The following VRK2 variants were observed in gnomAD, a reference collection of about 807,000 sequenced individuals.
The protein encoded by VRK2 is serine/threonine-protein kinase VRK2.
VRK2 carries 60 observed loss-of-function variants against 57.6 expected under a neutral mutation model. That is an observed-to-expected ratio of 1.04 (90% CI 0.85 to 1.29). The LOEUF is 1.29. Among genes scored for constraint, VRK2 ranks in the 50% most tolerant of loss-of-function variants. The pLI, the probability that VRK2 is intolerant of heterozygous loss-of-function variation, is 0.00. For synonymous variants in VRK2, 231 were observed against 199.2 expected (o/e 1.16, Z -1.35); for missense variants, 705 against 588.1 (o/e 1.20, Z -2.06).
chr2:57,909,411 G>A (rs1669918783), intron 1 of VRK2, among the ~76,000 whole-genome samples: 1 of 151,958 alleles, frequency 6.6e-6, no homozygotes. Context: ...CATAAGTGAT[G>A]ATTTACACTT....
At chr2:58,019,397 A>T (rs970229870) in intron 1 of VRK2, among the ~76,000 whole-genome samples, 1 of 152,236 alleles carries the variant, frequency 6.6e-6, no homozygotes, top group Admixed American at 6.5e-5. Flanking sequence ...GCATTTAGCC[A>T]TGACTCATAT....
chr2:58,136,859 GT>G (rs1314306570), intron 10 of VRK2, among the ~76,000 whole-genome samples: 5 of 103,582 alleles, frequency 4.8e-5, no homozygotes, highest in Admixed American at 9.5e-5. Flanking sequence ...TCATATATAT[GT>G]GTATATATAT....
chr2:58,019,846 A>G (rs1421070049), intron 1 of VRK2, among the ~76,000 whole-genome samples: 1 of 152,236 alleles, frequency 6.6e-6, no homozygotes, highest in African/African-American at 2.4e-5. Context: ...ATGAACTAGA[A>G]AACTATAAAC....
intron 7 of VRK2, among the ~76,000 whole-genome samples, chr2:58,100,663 T>C (rs1229831265): frequency 6.6e-6 from 1 of 151,850 alleles, no homozygotes; most frequent in Non-Finnish European, 1.5e-5. Flanking sequence ...TTATATACTT[T>C]CACTTAATTT....
chr2:57,912,998 A>G (rs1670036677), intron 1 of VRK2, among the ~76,000 whole-genome samples: 1 of 152,194 alleles, frequency 6.6e-6, no homozygotes, highest in Non-Finnish European at 1.5e-5. Context: ...CTGTCTATGA[A>G]CCAGGAAGTG....
intron 1 of VRK2, among the ~76,000 whole-genome samples, chr2:57,921,286 G>GCGCA (rs569332925): frequency 1.1e-4 from 17 of 148,036 alleles, no homozygotes; most frequent in African/African-American, 4.2e-4. Flanking sequence ...TCTTAAGCGC[G>GCGCA]CACACACACA....
intron 1 of VRK2, among the ~76,000 whole-genome samples, chr2:57,963,461 C>G (rs548055096): frequency 3.3e-5 from 5 of 152,270 alleles, no homozygotes; most frequent in Non-Finnish European, 1.5e-5. Flanking sequence ...CATATTTTAG[C>G]ATTATTATAT....
At chr2:58,058,535 A>G (rs1676867647) in intron 2 of VRK2, 1 of 380,262 alleles carries the variant, frequency 2.6e-6, no homozygotes, top group African/African-American at 2.1e-5. Context: ...AATGTTACCA[A>G]AGTCTCACTG....
chr2:57,969,920 TCCATTGACC>T (rs1672040121), intron 1 of VRK2, among the ~76,000 whole-genome samples: 2 of 151,958 alleles, frequency 1.3e-5, no homozygotes, highest in East Asian at 3.9e-4. Context: ...ATAAAAGAAT[TCCATTGACC>T]CCTTGGTATG....
chr2:58,090,638 G>A (rs551949564), intron 7 of VRK2, among the ~76,000 whole-genome samples: 13 of 152,078 alleles, frequency 8.5e-5, no homozygotes, highest in Non-Finnish European at 1.5e-5. Flanking sequence ...AGCCACTTTG[G>A]AAGACAGTTG....
At chr2:58,128,986 G>A (rs555508119) in intron 8 of VRK2, among the ~76,000 whole-genome samples, 10 of 151,972 alleles carry the variant, frequency 6.6e-5, no homozygotes, top group African/African-American at 2.4e-4. Context: ...TTTTACTTTG[G>A]CAATACTTTA....
At chr2:57,913,807 T>A (rs1421549146) in intron 1 of VRK2, among the ~76,000 whole-genome samples, 2 of 152,090 alleles carry the variant, frequency 1.3e-5, no homozygotes, top group African/African-American at 2.4e-5. Flanking sequence ...CTGTAGCATT[T>A]AAAAAAATAC....
chr2:57,935,667 C>CT (rs113414239), intron 1 of VRK2, among the ~76,000 whole-genome samples: 7,256 of 152,188 alleles, frequency 0.048, 224 homozygotes, highest in South Asian at 0.11. Flanking sequence ...CTCTCATTCT[C>CT]TCCCAATCTT....
intron 7 of VRK2, among the ~76,000 whole-genome samples, chr2:58,113,049 G>A (rs1459087235): frequency 1.3e-5 from 2 of 152,100 alleles, no homozygotes; most frequent in Non-Finnish European, 2.9e-5. Context: ...AGTGGCTCAC[G>A]CCTGTAATCC....
chr2:57,917,937 T>C (rs2103898925), intron 1 of VRK2, among the ~76,000 whole-genome samples: 1 of 152,202 alleles, frequency 6.6e-6, no homozygotes, highest in East Asian at 1.9e-4. Flanking sequence ...ATTCATTATC[T>C]AGAAGGTAAA....
upstream of VRK2, among the ~76,000 whole-genome samples, chr2:58,044,211 T>C (rs960296509): frequency 1.3e-5 from 2 of 152,226 alleles, no homozygotes; most frequent in African/African-American, 2.4e-5. Flanking sequence ...TTTAGATTAG[T>C]ACTTTTTCCC....
chr2:58,047,143 T>A, intron 1 of VRK2: 1 of 336,496 alleles, frequency 3.0e-6, no homozygotes, highest in Non-Finnish European at 4.2e-6. Context: ...GTGGAGTTTC[T>A]CTTTTTGCCG....
intron 1 of VRK2, among the ~76,000 whole-genome samples, chr2:58,008,539 A>G (rs1324523187): frequency 6.6e-6 from 1 of 152,084 alleles, no homozygotes; most frequent in Non-Finnish European, 1.5e-5. Flanking sequence ...GAAGAAAAGA[A>G]GGAAGGCAGA....
At chr2:58,047,048 T>G (rs1674881345) in intron 1 of VRK2, 180 bp downstream of exon 1, 1 of 911,462 alleles carries the variant, frequency 1.1e-6, no homozygotes, top group East Asian at 1.2e-4. Context: ...GTTTGGTTCT[T>G]TTTTCCCCGC....
Sources: gnomAD v4.1 joint callset for allele counts (sites outside exome capture counted in the v4.1 genomes callset) on GRCh38, gnomAD v4.1.1 for gene constraint, MANE v1.5 for transcripts, NCBI Gene and HGNC (gene_info 2026-07-23, HGNC 2026-07-21) for gene names.